The following ADGRL3 variants were observed in gnomAD, a reference collection of about 807,000 sequenced individuals.
The protein encoded by ADGRL3 is calcium-independent alpha-latrotoxin receptor 3.
ADGRL3 carries 62 observed loss-of-function variants against 153.5 expected under a neutral mutation model. The ratio of observed to expected loss-of-function variants is 0.40; its 90% CI spans 0.33 to 0.50. ADGRL3 has a LOEUF of 0.50. ADGRL3 is among the 20% of genes least tolerant of loss of function. ADGRL3 has a pLI of 0.47. For synonymous variants in ADGRL3, 710 were observed against 672.5 expected (o/e 1.06, Z -0.86); for missense variants, 1,641 against 1,859.4 (o/e 0.88, Z 2.16).
At chr4:61,368,079 G>A (rs1325690857) in intron 1 of ADGRL3, among the ~76,000 whole-genome samples, 1 of 151,590 alleles carries the variant, frequency 6.6e-6, no homozygotes, top group East Asian at 1.9e-4. Context: ...ACTTTTTGAT[G>A]GGGTTGTTTG....
At chr4:61,373,941 A>G (rs1241881950) in intron 1 of ADGRL3, among the ~76,000 whole-genome samples, 3 of 152,236 alleles carry the variant, frequency 2.0e-5, no homozygotes, top group Admixed American at 6.5e-5. Context: ...GACATAAAAT[A>G]TAAATACTTA....
At chr4:61,613,572 T>C (rs925299103) in intron 5 of ADGRL3, among the ~76,000 whole-genome samples, 6 of 152,214 alleles carry the variant, frequency 3.9e-5, no homozygotes, top group African/African-American at 1.4e-4. Flanking sequence ...GATGAAACCC[T>C]GTCTCTACTA....
intron 1 of ADGRL3, among the ~76,000 whole-genome samples, chr4:61,234,508 T>A (rs546666257): frequency 2.6e-5 from 4 of 152,114 alleles, no homozygotes; most frequent in Non-Finnish European, 2.9e-5. Flanking sequence ...ACCAAGTATA[T>A]GGTTTAAATT....
At chr4:61,957,305 T>C (rs2150420920) in intron 17 of ADGRL3, among the ~76,000 whole-genome samples, 1 of 152,246 alleles carries the variant, frequency 6.6e-6, no homozygotes, top group Non-Finnish European at 1.5e-5. Context: ...TGATTTTGAA[T>C]GAGAGTCCAT....
At chr4:61,482,684 A>G (rs1453168060) in intron 2 of ADGRL3, among the ~76,000 whole-genome samples, 5 of 152,228 alleles carry the variant, frequency 3.3e-5, no homozygotes, top group Non-Finnish European at 5.9e-5. Context: ...AAATAAAAAT[A>G]GGAGCCATTA....
At chr4:61,706,076 T>A (rs2095852558) in intron 6 of ADGRL3, among the ~76,000 whole-genome samples, 1 of 152,162 alleles carries the variant, frequency 6.6e-6, no homozygotes, top group Non-Finnish European at 1.5e-5. Context: ...TTGAAGCCAG[T>A]TGTTTTCTCC....
intron 17 of ADGRL3, among the ~76,000 whole-genome samples, chr4:61,967,812 G>A (rs2099012436): frequency 6.6e-6 from 1 of 152,162 alleles, no homozygotes; most frequent in East Asian, 1.9e-4. Flanking sequence ...AAATTGTGCT[G>A]TTTCAGTCTA....
At position 61,709,420 on chromosome 4, in the gene ADGRL3, TC is replaced by T. The variant is rs1433852182; in HGVS notation, c.584-21200del. Among the ~76,000 whole-genome samples the T allele has an allele frequency of 7.4e-4, 113 of 152,350 alleles. 1 individual carries two copies. The highest frequency in any genetic ancestry group is 2.2e-3 in the Admixed American group (33 of 15,302). On this transcript the variant is annotated intron_variant, in intron 6 of 26. Transcript: ENST00000683033. ...TTTCCTGTTTTATGTTTACCATTGA[TC>T]CTTCAGTCATGTTAATCATTTTGCA...
In ADGRL3 at chr4:61,433,839, T is replaced by G. The variant is rs74285408; in HGVS notation, c.-174+50650T>G. ...ATTTTTTTAAAATCTTTTTCTGCCT[T>G]TCCAGACTCTTCTATCCACCAGTCT... On this transcript the variant is annotated intron_variant, in intron 2 of 26. Transcript: ENST00000683033. Among the ~76,000 whole-genome samples the G allele has an allele frequency of 4.0e-4, 61 of 152,280 alleles. No homozygotes were observed. The East Asian group carries it at 0.011, about 28-fold the overall frequency.
intron 2 of ADGRL3, among the ~76,000 whole-genome samples, chr4:61,418,706 C>T (rs954081690): frequency 6.6e-6 from 1 of 150,644 alleles, no homozygotes; most frequent in African/African-American, 2.5e-5. Flanking sequence ...AATCTTTGTT[C>T]ATTTTTAAAT....
intron 1 of ADGRL3, among the ~76,000 whole-genome samples, chr4:61,282,592 A>AT (rs2093767577): frequency 1.3e-5 from 2 of 151,676 alleles, no homozygotes; most frequent in Admixed American, 1.3e-4. Flanking sequence ...TTTTTTAGTC[A>AT]TTTTTTTGGA....
chr4:61,766,666 T>G (rs904274661), intron 8 of ADGRL3, among the ~76,000 whole-genome samples: 1 of 152,084 alleles, frequency 6.6e-6, no homozygotes, highest in Non-Finnish European at 1.5e-5. Context: ...CTGTGAAGCT[T>G]TGCGGCAGTA....
chr4:61,695,463 A>T (rs1267441346), intron 6 of ADGRL3, among the ~76,000 whole-genome samples: 1 of 152,182 alleles, frequency 6.6e-6, no homozygotes, highest in Non-Finnish European at 1.5e-5. Context: ...AGTGGGATTA[A>T]CATTTTCAGT....
At chr4:61,725,032 G>A (rs975310062) in intron 6 of ADGRL3, among the ~76,000 whole-genome samples, 8 of 152,136 alleles carry the variant, frequency 5.3e-5, no homozygotes, top group Non-Finnish European at 1.2e-4. Flanking sequence ...ACTGAAAAGT[G>A]TGTCATTCTG....
At chr4:61,262,399 T>C (rs1464737895) in intron 1 of ADGRL3, among the ~76,000 whole-genome samples, 3 of 152,178 alleles carry the variant, frequency 2.0e-5, no homozygotes, top group Non-Finnish European at 4.4e-5. Context: ...TTCTGTGTTA[T>C]ATCAGTTATG....
chr4:61,511,283 C>T (rs1051381040), intron 3 of ADGRL3, among the ~76,000 whole-genome samples: 5 of 152,144 alleles, frequency 3.3e-5, no homozygotes, highest in Non-Finnish European at 7.4e-5. Flanking sequence ...GTAGGAGAAT[C>T]ACTTGAACCC....
intron 1 of ADGRL3, among the ~76,000 whole-genome samples, chr4:61,245,271 C>G (rs776320905): frequency 3.3e-5 from 5 of 152,046 alleles, no homozygotes; most frequent in Non-Finnish European, 5.9e-5. Flanking sequence ...CTCAGCAAAT[C>G]CTTTCCCCTG....
intron 9 of ADGRL3, among the ~76,000 whole-genome samples, chr4:61,857,050 C>A (rs933994864): frequency 6.8e-6 from 1 of 146,654 alleles, no homozygotes; most frequent in African/African-American, 2.5e-5. Flanking sequence ...CCCTTTCTCC[C>A]TCCCTCCCTC....
At chr4:61,538,984 T>TATA (rs2098673896) in intron 4 of ADGRL3, among the ~76,000 whole-genome samples, 1 of 152,174 alleles carries the variant, frequency 6.6e-6, no homozygotes, top group Non-Finnish European at 1.5e-5. Context: ...ATAGGGATCA[T>TATA]GACCTTCAGC....
Sources: gnomAD v4.1 joint callset for allele counts (sites outside exome capture counted in the v4.1 genomes callset) on GRCh38, gnomAD v4.1.1 for gene constraint, MANE v1.5 for transcripts, NCBI Gene and HGNC (gene_info 2026-07-23, HGNC 2026-07-21) for gene names.